NTPCR: variants seen among roughly 807,000 people sequenced by gnomAD.
NTPCR encodes nucleoside-triphosphatase, cancer-related.
In NTPCR, 15 loss-of-function variants were observed where a neutral mutation model predicts 19.5. The ratio of observed to expected loss-of-function variants is 0.77; its 90% CI spans 0.51 to 1.18. The LOEUF is 1.18. Among genes scored for constraint, NTPCR ranks in the 50% most tolerant of loss-of-function variants. NTPCR has a pLI of 0.00. For missense variants in NTPCR, 206 were observed against 240.4 expected (o/e 0.86, Z 0.95); for synonymous variants, 90 against 95.8 (o/e 0.94, Z 0.36).
intron 3 of NTPCR, chr1:232,965,287 A>G (rs986946257): frequency 2.0e-5 from 3 of 152,216 alleles, no homozygotes; most frequent in South Asian, 2.1e-4. Context: ...GTGGAGGCGT[A>G]TTGCACACAG....
intron 4 of NTPCR, among the ~76,000 whole-genome samples, chr1:232,977,885 ACTCACTTCACAG>A (rs1412353462): frequency 6.6e-6 from 1 of 151,668 alleles, no homozygotes; most frequent in African/African-American, 2.4e-5. Flanking sequence ...GCCTCGTCGG[ACTCACTTCACAG>A]CTCTCCCCAT....
intron 3 of NTPCR, among the ~76,000 whole-genome samples, chr1:232,958,593 T>C (rs1389334099): frequency 5.9e-5 from 9 of 152,248 alleles, no homozygotes; most frequent in Non-Finnish European, 1.5e-5. Context: ...TCTCCTTTTC[T>C]TCCTACGCTG....
intron 3 of NTPCR, chr1:232,963,221 A>C (rs1668716456): frequency 6.6e-6 from 1 of 152,222 alleles, no homozygotes; most frequent in African/African-American, 2.4e-5. Flanking sequence ...CCTGCAGTGA[A>C]TCAGCATAAG....
chr1:232,955,272 C>T (rs1163542065), intron 1 of NTPCR, among the ~76,000 whole-genome samples: 2 of 152,162 alleles, frequency 1.3e-5, no homozygotes, highest in Non-Finnish European at 2.9e-5. Context: ...TCAGTTGATT[C>T]TGGGATTGTG....
At chr1:232,969,870 T>G in intron 3 of NTPCR, 39 bp from the exon 4 acceptor site, 1 of 1,553,842 alleles carries the variant, frequency 6.4e-7, no homozygotes, top group Non-Finnish European at 8.9e-7. Context: ...TTGATTAATG[T>G]GACTCTGATG....
intron 1 of NTPCR, 146 bp downstream of exon 1, chr1:232,950,890 T>C: frequency 1.7e-6 from 1 of 596,368 alleles, no homozygotes; most frequent in Non-Finnish European, 3.0e-6. Flanking sequence ...CTTGGTAGTC[T>C]GAAGAGTTTG....
At chr1:232,966,296 A>G (rs1668815479) in intron 3 of NTPCR, 1 of 152,156 alleles carries the variant, frequency 6.6e-6, no homozygotes, top group Non-Finnish European at 1.5e-5. Flanking sequence ...GACTTTCCAT[A>G]CTTGCTGTCC....
chr1:232,955,334 T>C (rs919286618), intron 1 of NTPCR, among the ~76,000 whole-genome samples: 2 of 152,152 alleles, frequency 1.3e-5, no homozygotes, highest in South Asian at 2.1e-4. Context: ...CCTCAAGATA[T>C]CATTCGTGTT....
In NTPCR at chr1:232,978,521, T is replaced by C. The variant is rs1669209444; in HGVS notation, c.*290T>C. 3.6e-6 allele frequency: 1 copy of C among 275,534 alleles called. No individual in the cohort carries two copies. Among genetic ancestry groups the C allele is most frequent in the Non-Finnish European group, 6.9e-6 (1 of 144,644 alleles). 17.1% of individuals were successfully genotyped at this position (275,534 alleles called of 1,614,324 possible). ...TTTGGGTAAACTGTGAGATGAGAAA[T>C]GGTTTTCAGAGTATTAGATGGAATT... is the stretch of plus-strand genomic sequence containing the variant. On this transcript the variant is annotated 3_prime_UTR_variant, in exon 5 of 5. Coordinates refer to ENST00000366628, the MANE Select transcript of NTPCR (RefSeq NM_032324.3).
intron 3 of NTPCR, chr1:232,968,962 A>G (rs1459291575): frequency 6.6e-6 from 1 of 152,252 alleles, no homozygotes; most frequent in Non-Finnish European, 1.5e-5. Context: ...TGTGTTAGTT[A>G]TATGTTGCTA....
chr1:232,971,158 T>C (rs1668964777), intron 4 of NTPCR, among the ~76,000 whole-genome samples: 2 of 152,204 alleles, frequency 1.3e-5, no homozygotes, highest in East Asian at 1.9e-4. Flanking sequence ...CAGATATTGC[T>C]TCTCCCCAAC....
Position 232,956,381 on chromosome 1 carries a change from G to A in NTPCR, c.232G>A (p.Val78Ile), listed in dbSNP as rs1346788885. The A allele has an allele frequency of 3.1e-6, 5 of 1,613,976 alleles. No individual in the cohort carries two copies. The Admixed American group carries it at 8.3e-5, about 27-fold the overall frequency. ...TCCACCTGGAAAACGTGAATGCCGA[G>A]TTGGGCAGTATGTGGTCGACCTGAC... ...EPPPGKRECR[V>I]GQYVVDLTSF... The change falls in exon 3 of 5, where the codon GTT (valine) becomes ATT (isoleucine). Residue 78 changes from valine (V) to isoleucine (I), a missense_variant. Coordinates refer to ENST00000366628, the MANE Select transcript of NTPCR (RefSeq NM_032324.3).
chr1:232,968,952 T>C (rs988765014), intron 3 of NTPCR: 3 of 152,246 alleles, frequency 2.0e-5, no homozygotes, highest in Non-Finnish European at 4.4e-5. Flanking sequence ...AGAGGACATG[T>C]GTGTTAGTTA....
At chr1:232,956,209 C>T (rs1164592111) in intron 2 of NTPCR, 138 bp from the exon 3 acceptor site, 3 of 665,766 alleles carry the variant, frequency 4.5e-6, no homozygotes, top group East Asian at 2.7e-5. Context: ...ATCAGCTTTA[C>T]AGACCACCGC....
At chr1:232,965,530 T>C (rs1056952805) in intron 3 of NTPCR, 6 of 152,274 alleles carry the variant, frequency 3.9e-5, no homozygotes, top group Admixed American at 3.9e-4. Flanking sequence ...GCAGTGATTA[T>C]TTTCTTGAGA....
At position 232,976,233 on chromosome 1, in the gene NTPCR, G is replaced by A. The variant is rs187332679; in HGVS notation, c.505-1930G>A. 2.7e-4 allele frequency: 361 copies of A among 1,335,664 alleles called. 1 individual carries two copies. The African/African-American group carries it at 4.7e-3, about 17-fold the overall frequency. 82.7% of individuals were successfully genotyped at this position (1,335,664 alleles called of 1,614,324 possible). A position where few individuals can be genotyped will look rare whatever the true frequency, so the allele number is the denominator to read the frequency against. ...TACATTGTATAATGATCAAATCAGGGTAATTTCCATATCTGTCACTTTAAA... is the reference window on the plus strand; with the variant it reads ...TACATTGTATAATGATCAAATCAGGATAATTTCCATATCTGTCACTTTAAA... On this transcript the variant is annotated intron_variant, in intron 4 of 4. Transcript: ENST00000366628.
At position 232,981,715 on chromosome 1, in the gene NTPCR, CTTT is replaced by C. The variant is rs199705051; in HGVS notation, c.*3502_*3504del. The stretch of plus-strand genomic sequence containing the variant: ...CATTTTGATCTGTGTCCAAATAACT[CTTT>C]TTTTTTTTTTTTTTTTTGAGACAGA... On this transcript the variant is annotated 3_prime_UTR_variant, in exon 5 of 5. Coordinates refer to ENST00000366628, the MANE Select transcript of NTPCR (RefSeq NM_032324.3). The C allele has an allele frequency of 0.05, 6,182 of 122,482 alleles. 294 individuals are homozygous for C. The highest frequency in any genetic ancestry group is 0.18 in the African/African-American group (5,563 of 31,046). The allele number at this position is 122,482 out of a possible 1,614,324, so 7.6% of individuals were successfully genotyped here. A position where few individuals can be genotyped will look rare whatever the true frequency, so the allele number is the denominator to read the frequency against.
intron 3 of NTPCR, chr1:232,969,463 G>A (rs1668912848): frequency 6.3e-6 from 1 of 158,764 alleles, no homozygotes. Context: ...CGTGCTGGGG[G>A]GGAGATAACT....
rs1405933659 is a variant in NTPCR at position 232,980,114 on chromosome 1, A to C, written c.*1883A>C. On this transcript the variant is annotated 3_prime_UTR_variant, in exon 5 of 5. Transcript: ENST00000366628. ...TTTGATTTTGTCTTAAATGAGAAAGAAAGCTGGTGAAGGTTATTTCAAAGT... is the reference window on the plus strand; with the variant it reads ...TTTGATTTTGTCTTAAATGAGAAAGCAAGCTGGTGAAGGTTATTTCAAAGT... 3.9e-5 allele frequency: 6 copies of C among 152,272 alleles called. No individual in the cohort carries two copies. The highest frequency in any genetic ancestry group is 8.8e-5 in the Non-Finnish European group (6 of 68,066). 9.4% of individuals were successfully genotyped at this position (152,272 alleles called of 1,614,324 possible).
Sources: gnomAD v4.1 joint callset for allele counts (sites outside exome capture counted in the v4.1 genomes callset) on GRCh38, gnomAD v4.1.1 for gene constraint, MANE v1.5 for transcripts, NCBI Gene and HGNC (gene_info 2026-07-23, HGNC 2026-07-21) for gene names.